Variants in OR8G5 observed in about 807,000 individuals in gnomAD.
OR8G5 encodes the protein olfactory receptor 8G5.
For missense variants in OR8G5, 347 were observed against 371.9 expected, an observed-to-expected ratio of 0.93 and a Z score of 0.55; for synonymous variants, 147 against 147.7, an observed-to-expected ratio of 1.00 and a Z score of 0.03.
chr11:124,262,504 C>T (rs1402721336), intron 1 of OR8G5, among the ~76,000 whole-genome samples: 6 of 151,774 alleles, frequency 4.0e-5, no homozygotes, highest in Non-Finnish European at 7.4e-5. Flanking sequence ...ACACAAAATC[C>T]TGTAGGTCTA....
chr11:124,260,354 TG>T (rs1861957747), intron 1 of OR8G5, among the ~76,000 whole-genome samples: 1 of 151,908 alleles, frequency 6.6e-6, no homozygotes, highest in Non-Finnish European at 1.5e-5. Context: ...CATTTATAAG[TG>T]GCAGCTAAGC....
At chr11:124,258,007 T>A (rs1861928991) in intron 1 of OR8G5, among the ~76,000 whole-genome samples, 1 of 152,146 alleles carries the variant, frequency 6.6e-6, no homozygotes, top group Non-Finnish European at 1.5e-5. Context: ...CTTGTACACG[T>A]ACTCCATATC....
At chr11:124,264,067 G>A (rs905542259) in intron 1 of OR8G5, among the ~76,000 whole-genome samples, 3 of 151,858 alleles carry the variant, frequency 2.0e-5, no homozygotes, top group Non-Finnish European at 4.4e-5. Context: ...ATTTTTACAC[G>A]CTTAATAGAC....
intron 1 of OR8G5, among the ~76,000 whole-genome samples, chr11:124,259,432 A>G (rs1475241928): frequency 1.3e-5 from 2 of 152,294 alleles, no homozygotes; most frequent in East Asian, 1.9e-4. Context: ...AAATAAAACC[A>G]CATGCAGTTT....
intron 1 of OR8G5, among the ~76,000 whole-genome samples, chr11:124,257,151 A>G (rs987022903): frequency 8.9e-6 from 1 of 112,724 alleles, no homozygotes; most frequent in African/African-American, 2.8e-5. Flanking sequence ...AAGAGTAGAA[A>G]GAGATGAGAG....
intron 1 of OR8G5, among the ~76,000 whole-genome samples, chr11:124,257,553 G>A (rs1262337535): frequency 6.6e-6 from 1 of 152,008 alleles, no homozygotes; most frequent in African/African-American, 2.4e-5. Flanking sequence ...GAAGGTGAGG[G>A]GTGGAAATGC....
chr11:124,258,177 T>A (rs1861930485), intron 1 of OR8G5, among the ~76,000 whole-genome samples: 1 of 152,174 alleles, frequency 6.6e-6, no homozygotes, highest in Non-Finnish European at 1.5e-5. Flanking sequence ...TAAAAGTGTC[T>A]GCTAATTATT....
At chr11:124,263,347 A>ATATTT (rs71038489) in intron 1 of OR8G5, among the ~76,000 whole-genome samples, 72,698 of 151,616 alleles carry the variant, frequency 0.48, 18,238 homozygotes, top group East Asian at 0.58. Context: ...TTTTTAAAAA[A>ATATTT]TATTTTATTT....
In OR8G5 at chr11:124,266,152, T is replaced by G. The variant is rs1180858581; in HGVS notation, c.*285T>G. On this transcript the variant is annotated 3_prime_UTR_variant, in exon 2 of 2. Coordinates refer to ENST00000641992, the MANE Select transcript of OR8G5 (RefSeq NM_001005198.2). ...TGCCAGTTACATTCCCTTCCCCCTT[T>G]TCTTTCATGTAATTGATTAAAACAT... 1.6e-5 allele frequency: 5 copies of G among 315,018 alleles called. No individual in the cohort carries two copies. The highest frequency in any genetic ancestry group is 2.3e-5 in the Non-Finnish European group (4 of 170,996). The allele number at this position is 315,018 out of a possible 1,614,324, so 19.5% of individuals were successfully genotyped here.
chr11:124,262,518 A>C (rs1565319576), intron 1 of OR8G5, among the ~76,000 whole-genome samples: 1 of 151,992 alleles, frequency 6.6e-6, no homozygotes. Context: ...AGGTCTAGAG[A>C]GCTACACTGG....
Position 124,265,006 on chromosome 11 carries a change from G to C in OR8G5, c.75G>C (p.Leu25=). The C allele has an allele frequency of 6.2e-7, 1 of 1,613,998 alleles. No individual in the cohort carries two copies. Among genetic ancestry groups the C allele is most frequent in the Non-Finnish European group, 8.5e-7 (1 of 1,179,894 alleles). Residue 25 remains leucine, a synonymous_variant, in exon 2 of 2, where the codon CTG becomes CTC. Coordinates refer to ENST00000641992, the MANE Select transcript of OR8G5 (RefSeq NM_001005198.2). The part of the protein sequence containing the change: ...VGLTEKSELQ[L]PLFLVFLGIY... Reference sequence around the variant, plus strand: ...TAACAGAGAAGTCAGAGCTACAGCTGCCCCTCTTCCTCGTCTTCCTGGGAA... The same window carrying C: ...TAACAGAGAAGTCAGAGCTACAGCTCCCCCTCTTCCTCGTCTTCCTGGGAA...
Position 124,265,221 on chromosome 11 carries a change from G to A in OR8G5, c.290G>A (p.Cys97Tyr). The A allele has an allele frequency of 6.2e-7, 1 of 1,614,008 alleles. No individual in the cohort carries two copies. The highest frequency in any genetic ancestry group is 8.5e-7 in the Non-Finnish European group (1 of 1,179,896). The change falls in exon 2 of 2, where the codon TGC becomes TAC. Residue 97 changes from cysteine to tyrosine, a missense_variant. Physicochemically the swap from Cys to Tyr is radical, Grantham distance 194. Transcript: ENST00000641992. ...AAGAACATCATCTCCTACCCTGAATGCATGACTCAGCTCTACTTCTTCCTC... is the reference window on the plus strand; with the variant it reads ...AAGAACATCATCTCCTACCCTGAATACATGACTCAGCTCTACTTCTTCCTC... ...TEKNIISYPECMTQLYFFLVF... is the reference protein window; with the variant it reads ...TEKNIISYPEYMTQLYFFLVF...
In OR8G5 at chr11:124,265,523, C is replaced by T. The variant is rs373979714; in HGVS notation, c.592C>T (p.Leu198=). 5.6e-6 allele frequency: 9 copies of T among 1,613,784 alleles called. No homozygotes were observed. The highest frequency in any genetic ancestry group is 1.6e-4 in the Middle Eastern group (1 of 6,084). The change falls in exon 2 of 2, where the codon CTG becomes TTG. Residue 198 remains leucine, a synonymous_variant. Coordinates refer to ENST00000641992, the MANE Select transcript of OR8G5 (RefSeq NM_001005198.2). ...SCSSTYINEL[L]ILIFSGINIL... ...TTCTAGTACTTACATTAATGAGTTA[C>T]TGATTTTAATCTTTAGTGGAATTAA... is the stretch of plus-strand genomic sequence containing the variant.
rs756069954 is a variant in OR8G5, at chr11:124,265,810, G to C, written c.879G>C (p.Arg293Ser). The change falls in exon 2 of 2, where the codon AGG (arginine) becomes AGC (serine). Residue 293 changes from arginine to serine, a missense_variant. Physicochemically the swap from Arg to Ser is moderately radical, Grantham distance 110 (BLOSUM62 -1). Coordinates refer to ENST00000641992, the MANE Select transcript of OR8G5 (RefSeq NM_001005198.2). ...TGAACCCCCTGATCTACAGCCTGAG[G>C]AATAAAGATGTCCACGTTGCCCTGA... ...PMLNPLIYSL[R>S]NKDVHVALKK... 5 of 1,612,528 alleles carry C rather than the reference G, an allele frequency of 3.1e-6. No homozygotes were observed. In the African/African-American group the frequency reaches 6.7e-5, roughly 22 times the overall value.
At chr11:124,260,665 A>G (rs1343090034) in intron 1 of OR8G5, among the ~76,000 whole-genome samples, 1 of 151,214 alleles carries the variant, frequency 6.6e-6, no homozygotes, top group Non-Finnish European at 1.5e-5. Context: ...GATATGGTAA[A>G]TCTCTTCTCT....
chr11:124,265,489 G>GCT lies in OR8G5; in HGVS notation c.562_563dup (p.Cys189ProfsTer11). 6.2e-7 allele frequency: 1 copy of GCT among 1,613,950 alleles called. No individual in the cohort carries two copies. Among genetic ancestry groups the GCT allele is most frequent in the Non-Finnish European group, 8.5e-7 (1 of 1,179,870 alleles). ...TCTGTGATCTTATTTCTATCTTGAA[G>GCT]CTCTCCTGTTCTAGTACTTACATTA... On this transcript the variant is annotated frameshift_variant, in exon 2 of 2. Coordinates refer to ENST00000641992, the MANE Select transcript of OR8G5 (RefSeq NM_001005198.2). LOFTEE classifies it low-confidence loss of function (END_TRUNC).
Position 124,263,569 on chromosome 11 carries a change from G to T in OR8G5, c.-14-1349G>T, listed in dbSNP as rs1043593192. On this transcript the variant is annotated intron_variant, in intron 1 of 1. Transcript: ENST00000641992. ...TGTGTCCATGTGTTCTCATTGTTCA[G>T]TTCCCACCTATGAGTGAGAACATGC... 1.7e-3 allele frequency among the ~76,000 whole-genome samples: 242 copies of T among 138,334 alleles called. 6 individuals carry two copies. The highest frequency in any genetic ancestry group is 2.4e-4 in the Non-Finnish European group (16 of 66,234). 90.8% of individuals were successfully genotyped at this position (138,334 alleles called of 152,430 possible).
chr11:124,257,530 C>T (rs2466680), intron 1 of OR8G5, among the ~76,000 whole-genome samples: 75,247 of 151,800 alleles, frequency 0.5, 19,188 homozygotes, highest in East Asian at 0.59. Context: ...CTGGATGAGA[C>T]GGACAAGTTA....
chr11:124,257,775 A>G (rs1027217494), intron 1 of OR8G5, among the ~76,000 whole-genome samples: 1 of 152,174 alleles, frequency 6.6e-6, no homozygotes, highest in Non-Finnish European at 1.5e-5. Flanking sequence ...GCTTAGTTAG[A>G]TAAGGAAATT....
Sources: allele counts gnomAD v4.1 joint callset (sites outside exome capture counted in the v4.1 genomes callset), GRCh38; gene constraint gnomAD v4.1.1; transcripts MANE v1.5; gene names NCBI Gene and HGNC (gene_info 2026-07-23, HGNC 2026-07-21).